The following FSTL5 variants were observed in gnomAD, a reference collection of about 807,000 sequenced individuals.
FSTL5 encodes the protein follistatin-related protein 5.
Under a neutral mutation model 89.1 loss-of-function variants are expected in FSTL5, and 62 were observed. The observed-to-expected ratio is 0.70, with a 90% CI of 0.57 to 0.86. The LOEUF (loss-of-function observed/expected upper bound fraction) is 0.86. Among genes scored for constraint, FSTL5 ranks in the 40% least tolerant of loss-of-function variants. The probability of loss-of-function intolerance (pLI) is 0.00; values close to 1 mark genes in which losing one functional copy is unlikely to be tolerated. For synonymous variants in FSTL5, 383 were observed against 346.2 expected (o/e 1.11, Z -1.18); for missense variants, 1,057 against 1,001.6 (o/e 1.06, Z -0.75).
chr4:161,671,220 G>A (rs187451221), intron 6 of FSTL5, among the ~76,000 whole-genome samples: 49 of 152,322 alleles, frequency 3.2e-4, no homozygotes, highest in Admixed American at 2.6e-3. Context: ...AACTCAGGTA[G>A]ATTGCAGAAG....
chr4:161,760,603 A>AT (rs1191236067), intron 5 of FSTL5, among the ~76,000 whole-genome samples: 2 of 152,186 alleles, frequency 1.3e-5, no homozygotes, highest in African/African-American at 4.8e-5. Flanking sequence ...GGTGTAAGAC[A>AT]TAACATACAG....
rs1482071264 is a variant in FSTL5 at position 161,386,247 on chromosome 4, C to T, written c.2044G>A (p.Val682Ile). The change falls in exon 16 of 16, where the codon GTA becomes ATA. Residue 682 changes from valine (V) to isoleucine (I), a missense_variant. Val to Ile is a conservative substitution (Grantham distance 29). Around this residue, in one of 3 missense-constraint regions of FSTL5, gnomAD observed 980 missense variants for 903.2 expected, o/e 1.08. Transcript: ENST00000306100. Reference sequence around the variant, plus strand: ...TTGAACCCAATGACTGAGTCAGTTACACCGTCCACCATGACCTGTGGGGAA... The same window carrying T: ...TTGAACCCAATGACTGAGTCAGTTATACCGTCCACCATGACCTGTGGGGAA... The part of the protein sequence containing the change: ...AVSPQVMVDG[V>I]TDSVIGFNSD... 6.2e-7 allele frequency: 1 copy of T among 1,613,876 alleles called. No individual in the cohort carries two copies. Among genetic ancestry groups the T allele is most frequent in the African/African-American group, 1.3e-5 (1 of 74,894 alleles).
At chr4:161,664,070 C>T (rs1736804881) in intron 6 of FSTL5, among the ~76,000 whole-genome samples, 1 of 152,218 alleles carries the variant, frequency 6.6e-6, no homozygotes, top group African/African-American at 2.4e-5. Flanking sequence ...AGTCCCAGGG[C>T]CTGGCACAGG....
intron 15 of FSTL5, among the ~76,000 whole-genome samples, chr4:161,407,859 A>G (rs192368085): frequency 2.0e-5 from 3 of 152,300 alleles, no homozygotes; most frequent in Admixed American, 2.0e-4. Context: ...ATGTGTTCCA[A>G]CAGCTTGGAA....
At chr4:161,629,990 G>A (rs1364131475) in intron 7 of FSTL5, among the ~76,000 whole-genome samples, 1 of 152,144 alleles carries the variant, frequency 6.6e-6, no homozygotes, top group Non-Finnish European at 1.5e-5. Flanking sequence ...CTAGCCCAGG[G>A]GCCTATAGTG....
At chr4:162,115,812 G>A (rs1731615921) in intron 1 of FSTL5, among the ~76,000 whole-genome samples, 1 of 152,258 alleles carries the variant, frequency 6.6e-6, no homozygotes, top group East Asian at 1.9e-4. Context: ...GGCAAAACAT[G>A]CCATGCTGCT....
intron 6 of FSTL5, among the ~76,000 whole-genome samples, chr4:161,679,106 G>A (rs1737425995): frequency 6.6e-6 from 1 of 151,588 alleles, no homozygotes; most frequent in African/African-American, 2.4e-5. Flanking sequence ...AAGATCTTAA[G>A]TAATTTTTCA....
At chr4:161,542,730 T>C (rs1176786589) in intron 8 of FSTL5, 37 bp from the exon 9 acceptor site, 1 of 1,330,494 alleles carries the variant, frequency 7.5e-7, no homozygotes, top group Non-Finnish European at 9.9e-7. Flanking sequence ...GAATTAGTGA[T>C]TCATATTTTC....
At chr4:161,915,658 G>A (rs1733817967) in intron 4 of FSTL5, among the ~76,000 whole-genome samples, 1 of 152,024 alleles carries the variant, frequency 6.6e-6, no homozygotes, top group African/African-American at 2.4e-5. Flanking sequence ...AGAGGAACTG[G>A]AAACACTGTG....
At chr4:161,889,840 T>G in intron 4 of FSTL5, among the ~76,000 whole-genome samples, 1 of 152,188 alleles carries the variant, frequency 6.6e-6, no homozygotes, top group Non-Finnish European at 1.5e-5. Flanking sequence ...ACAAAAATTT[T>G]TCTCTAATAA....
chr4:162,014,841 A>C (rs1011514424), intron 3 of FSTL5, among the ~76,000 whole-genome samples: 1 of 152,212 alleles, frequency 6.6e-6, no homozygotes, highest in Non-Finnish European at 1.5e-5. Context: ...AACTTTATAA[A>C]CACGTTAGTA....
intron 8 of FSTL5, among the ~76,000 whole-genome samples, chr4:161,565,493 C>A (rs916096984): frequency 6.6e-6 from 1 of 151,734 alleles, no homozygotes; most frequent in Non-Finnish European, 1.5e-5. Context: ...TTATCTTACA[C>A]AAGTGGCAGT....
chr4:161,575,627 T>C (rs1733182799), intron 8 of FSTL5, among the ~76,000 whole-genome samples: 1 of 152,066 alleles, frequency 6.6e-6, no homozygotes, highest in South Asian at 2.1e-4. Flanking sequence ...CTAATTTTTG[T>C]ATTTTTAGTA....
At chr4:161,976,132 A>T (rs915341495) in intron 3 of FSTL5, among the ~76,000 whole-genome samples, 1 of 151,576 alleles carries the variant, frequency 6.6e-6, no homozygotes, top group Non-Finnish European at 1.5e-5. Context: ...AAAAAAAAAA[A>T]AAAAAAAGAT....
chr4:161,567,807 C>T lies in FSTL5; in HGVS notation c.1015+19648G>A, dbSNP rs75546884. Among the ~76,000 whole-genome samples the T allele has an allele frequency of 6.6e-5, 10 of 151,670 alleles. No homozygotes were observed. The South Asian group carries it at 1.5e-3, about 22-fold the overall frequency. On this transcript the variant is annotated intron_variant, in intron 8 of 15. Transcript: ENST00000306100. Reference sequence around the variant, plus strand: ...GCTCCTATAAACAAGAGAATCTACACGTCTTTGATTCATGTAGAGGACTGT... The same window carrying T: ...GCTCCTATAAACAAGAGAATCTACATGTCTTTGATTCATGTAGAGGACTGT...
intron 7 of FSTL5, among the ~76,000 whole-genome samples, chr4:161,591,802 T>C (rs995987516): frequency 1.3e-5 from 2 of 152,172 alleles, no homozygotes; most frequent in Non-Finnish European, 2.9e-5. Context: ...ACATTTCATC[T>C]ATATACTAAA....
chr4:161,776,070 A>G lies in FSTL5; in HGVS notation c.414T>C (p.Asp138=). The change falls in exon 5 of 16, where the codon GAT becomes GAC. Residue 138 remains aspartate, a synonymous_variant. Transcript: ENST00000306100. ...VHNEDCFFKG[D]KCKTTEYSKM... ...TGCTGTATTCAGTAGTCTTGCACTTATCTCCTGTAACAAAAGAACTAGTTA... is the reference window on the plus strand; with the variant it reads ...TGCTGTATTCAGTAGTCTTGCACTTGTCTCCTGTAACAAAAGAACTAGTTA... The G allele has an allele frequency of 6.8e-7, 1 of 1,460,542 alleles. No homozygotes were observed. The highest frequency in any genetic ancestry group is 9.2e-7 in the Non-Finnish European group (1 of 1,084,222). The allele number at this position is 1,460,542 out of a possible 1,614,324, so 90.5% of individuals were successfully genotyped here.
intron 3 of FSTL5, among the ~76,000 whole-genome samples, chr4:161,969,560 CCAAAGAAAAAAAATACAGTGAT>C (rs1735423191): frequency 6.6e-6 from 1 of 151,684 alleles, no homozygotes; most frequent in African/African-American, 2.4e-5. Flanking sequence ...GAAGTTAGTT[CCAAAGAAAAAAAATACAGTGAT>C]ACAAAATATA....
Position 161,413,759 on chromosome 4 carries a change from C to A in FSTL5, c.1842-27310G>T, listed in dbSNP as rs572891220. Reference sequence around the variant, plus strand: ...ACATAGACATAAAATACAATGAAATCATGTCCTTTGCAGCAACATAGATGT... The same window carrying A: ...ACATAGACATAAAATACAATGAAATAATGTCCTTTGCAGCAACATAGATGT... On this transcript the variant is annotated intron_variant, in intron 15 of 15. Transcript: ENST00000306100. 2.6e-5 allele frequency among the ~76,000 whole-genome samples: 4 copies of A among 152,276 alleles called. No individual in the cohort carries two copies. In the South Asian group the frequency reaches 8.3e-4, roughly 32 times the overall value.
Sources: allele counts gnomAD v4.1 joint callset (sites outside exome capture counted in the v4.1 genomes callset), GRCh38; gene constraint gnomAD v4.1.1; regional missense constraint gnomAD v4.1.1; transcripts MANE v1.5; gene names NCBI Gene and HGNC (gene_info 2026-07-23, HGNC 2026-07-21).